SEMA4B: variants seen among roughly 807,000 people sequenced by gnomAD.
SEMA4B encodes the protein semaphorin 4B.
Under a neutral mutation model 88.1 loss-of-function variants are expected in SEMA4B, and 55 were observed. The ratio of observed to expected loss-of-function variants is 0.62; its 90% CI spans 0.50 to 0.78. The LOEUF (loss-of-function observed/expected upper bound fraction) is 0.78. Ranked by LOEUF, SEMA4B falls within the 30% of genes least tolerant of loss-of-function variation. The pLI is 0.00. For synonymous variants in SEMA4B, 525 were observed against 473.6 expected (o/e 1.11, Z -1.41); for missense variants, 1,062 against 1,111.9 (o/e 0.96, Z 0.64).
rs1464589106 is a variant in SEMA4B at position 90,228,447 on chromosome 15, A to G, written c.2318A>G (p.Asn773Ser). The G allele has an allele frequency of 6.2e-7, 1 of 1,610,956 alleles. No homozygotes were observed. The highest frequency in any genetic ancestry group is 1.1e-5 in the South Asian group (1 of 90,696). ...VVLPPETRPL[N>S]GLGPPSTPLD... ...CTGCCCCCTGAGACCCGCCCACTCA[A>G]CGGCCTAGGGCCCCCTAGCACCCCG... is the stretch of plus-strand genomic sequence containing the variant. The change falls in exon 14 of 14, where the codon AAC becomes AGC. Residue 773 changes from asparagine (N) to serine (S), a missense_variant. By Grantham distance (46) the Asn-to-Ser change is conservative. Transcript: ENST00000411539.
upstream of SEMA4B, among the ~76,000 whole-genome samples, chr15:90,200,196 C>T (rs1405336739): frequency 6.6e-6 from 1 of 152,178 alleles, no homozygotes; most frequent in African/African-American, 2.4e-5. Context: ...GTGGCAGACC[C>T]TGAAAGTCGG....
At chr15:90,221,345 C>A in intron 5 of SEMA4B, 22 bp from the exon 6 acceptor site, 1 of 1,538,258 alleles carries the variant, frequency 6.5e-7, no homozygotes, top group Admixed American at 2.0e-5. Flanking sequence ...AGCCCATTCC[C>A]ATGGGAATGT....
intron 5 of SEMA4B, 31 bp downstream of exon 5, chr15:90,221,124 A>AG: frequency 6.7e-7 from 1 of 1,500,648 alleles, no homozygotes; most frequent in Non-Finnish European, 9.2e-7. Flanking sequence ...GGCTTCATTG[A>AG]GGTTCCATGT....
chr15:90,215,537 C>T (rs1018655936), intron 1 of SEMA4B, among the ~76,000 whole-genome samples: 2 of 152,304 alleles, frequency 1.3e-5, no homozygotes, highest in East Asian at 1.9e-4. Context: ...AAGGTCTGGG[C>T]GCAGTGGCCC....
rs916468102 is a variant in SEMA4B at position 90,224,866 on chromosome 15, C to T, written c.1195-102C>T. ...GCCAGGGATGTGCCCTGGCTCCGGG[C>T]GGGGGGACAGACACCGCTACTGTCC... On this transcript the variant is annotated intron_variant, in intron 9 of 13. Transcript: ENST00000411539. 64 of 951,428 alleles carry T rather than the reference C, an allele frequency of 6.7e-5. No homozygotes were observed. In the African/African-American group the frequency reaches 8.1e-4, roughly 12 times the overall value. The allele number at this position is 951,428 out of a possible 1,614,324, so 58.9% of individuals were successfully genotyped here.
rs767040916 is a variant in SEMA4B, at chr15:90,229,308, C to T, written c.*665C>T. The T allele has an allele frequency of 1.5e-5, 7 of 456,756 alleles. No individual in the cohort carries two copies. Among genetic ancestry groups the T allele is most frequent in the Admixed American group, 4.7e-5 (2 of 42,550 alleles). The allele number at this position is 456,756 out of a possible 1,614,324, so 28.3% of individuals were successfully genotyped here. ...TTTCCAGCCTGTATCAGGCTGTGGC[C>T]ACACGAGAGGACAGCGCGAGCTCAG... On this transcript the variant is annotated 3_prime_UTR_variant, in exon 14 of 14. Coordinates refer to ENST00000411539, the MANE Select transcript of SEMA4B (RefSeq NM_198925.4).
intron 1 of SEMA4B, among the ~76,000 whole-genome samples, chr15:90,213,798 A>G (rs986185863): frequency 6.6e-6 from 1 of 152,264 alleles, no homozygotes; most frequent in East Asian, 1.9e-4. Flanking sequence ...GGAAAAATCC[A>G]AAAGATAAGA....
At chr15:90,191,354 G>T (rs1960338063) in intron 1 of SEMA4B, among the ~76,000 whole-genome samples, 3 of 152,234 alleles carry the variant, frequency 2.0e-5, no homozygotes, top group Non-Finnish European at 4.4e-5. Flanking sequence ...CCAGAAGGGG[G>T]TCCTCAGAGA....
At chr15:90,221,265 C>T (rs1961821843) in intron 5 of SEMA4B, 102 bp from the exon 6 acceptor site, 5 of 1,205,932 alleles carry the variant, frequency 4.1e-6, no homozygotes, top group South Asian at 1.3e-5. Context: ...CTTCTCTGCC[C>T]ACCACAGGCA....
chr15:90,199,562 C>G (rs916101117), upstream of SEMA4B, among the ~76,000 whole-genome samples: 14 of 151,994 alleles, frequency 9.2e-5, 1 homozygote, highest in African/African-American at 3.4e-4. Context: ...TGTGGTGGCT[C>G]ACGCCTGAAA....
intron 11 of SEMA4B, 86 bp from the exon 12 acceptor site, chr15:90,225,575 C>A: frequency 1.4e-6 from 2 of 1,469,378 alleles, no homozygotes; most frequent in Non-Finnish European, 1.8e-6. Flanking sequence ...TTGGGGGTGG[C>A]TCTGGGAGGC....
chr15:90,208,214 A>G (rs895367208), intron 1 of SEMA4B, among the ~76,000 whole-genome samples: 46 of 151,856 alleles, frequency 3.0e-4, no homozygotes, highest in Non-Finnish European at 1.2e-4. Flanking sequence ...AGATCATGCC[A>G]TTGCACTCCA....
chr15:90,225,893 C>T lies in SEMA4B; in HGVS notation c.1688+66C>T, dbSNP rs74037033. ...GCACAGGTGACCTCGGAGCACCATC[C>T]TGGGCCCTCCTTGGGACCGCCACAC... On this transcript the variant is annotated intron_variant, in intron 12 of 13. Coordinates refer to ENST00000411539, the MANE Select transcript of SEMA4B (RefSeq NM_198925.4). 7,889 of 1,330,428 alleles carry T rather than the reference C, an allele frequency of 5.9e-3. 307 individuals carry two copies. In the African/African-American group the frequency reaches 0.092, roughly 16 times the overall value. The allele number at this position is 1,330,428 out of a possible 1,614,324, so 82.4% of individuals were successfully genotyped here. A position where few individuals can be genotyped will look rare whatever the true frequency, so the allele number is the denominator to read the frequency against.
rs377347671 is a variant in SEMA4B at position 90,225,795 on chromosome 15, C to A, written c.1656C>A (p.His552Gln). Residue 552 changes from histidine (H) to glutamine (Q), a missense_variant, in exon 12 of 14, where the codon CAC becomes CAA. By Grantham distance (24) the His-to-Gln change is conservative. Transcript: ENST00000411539. The part of the protein sequence containing the change: ...YCAWSGSSCK[H>Q]VSLYQPQLAT... The stretch of plus-strand genomic sequence containing the variant: ...CTTGGAGCGGCTCCAGCTGCAAGCA[C>A]GTCAGCCTCTACCAGCCTCAGCTGG... The A allele has an allele frequency of 1.3e-5, 20 of 1,556,022 alleles. No homozygotes were observed. The highest frequency in any genetic ancestry group is 1.7e-5 in the Non-Finnish European group (19 of 1,151,426).
At chr15:90,208,190 G>A (rs1325807709) in intron 1 of SEMA4B, among the ~76,000 whole-genome samples, 1 of 151,694 alleles carries the variant, frequency 6.6e-6, no homozygotes, top group African/African-American at 2.4e-5. Flanking sequence ...GGAGACAGGG[G>A]TTGCAGTGAG....
chr15:90,226,490 G>A (rs1454494371), intron 12 of SEMA4B, among the ~76,000 whole-genome samples: 3 of 152,058 alleles, frequency 2.0e-5, no homozygotes, highest in Admixed American at 6.5e-5. Context: ...ACAGGTGCCC[G>A]CCACCATGCC....
intron 3 of SEMA4B, 198 bp downstream of exon 3, chr15:90,218,027 C>G (rs1961621913): frequency 3.7e-6 from 2 of 544,060 alleles, no homozygotes; most frequent in East Asian, 3.2e-5. Flanking sequence ...GTAGATTCAC[C>G]TGTCTAAGCC....
At chr15:90,189,028 G>A (rs1960268790) in intron 1 of SEMA4B, among the ~76,000 whole-genome samples, 1 of 152,140 alleles carries the variant, frequency 6.6e-6, no homozygotes, top group Non-Finnish European at 1.5e-5. Context: ...GCTCTGTGAA[G>A]GCAGCAACCA....
chr15:90,210,262 G>A (rs534123406), intron 1 of SEMA4B, among the ~76,000 whole-genome samples: 1 of 152,198 alleles, frequency 6.6e-6, no homozygotes, highest in Admixed American at 6.5e-5. Flanking sequence ...GAGGTGGTGG[G>A]AGGCACCCAC....
Sources: gnomAD v4.1 joint callset for allele counts (sites outside exome capture counted in the v4.1 genomes callset) on GRCh38, gnomAD v4.1.1 for gene constraint, MANE v1.5 for transcripts, NCBI Gene and HGNC (gene_info 2026-07-23, HGNC 2026-07-21) for gene names.